Variants in CFAP74 observed in about 807,000 individuals in gnomAD.
The protein encoded by CFAP74 is cilia and flagella associated protein 74.
In CFAP74, 124 loss-of-function variants were observed where a neutral mutation model predicts 188.9. The ratio of observed to expected loss-of-function variants is 0.66; its 90% CI spans 0.57 to 0.76. CFAP74 has a LOEUF of 0.76. Ranked by LOEUF, CFAP74 falls within the 30% of genes least tolerant of loss-of-function variation. The pLI, the probability that CFAP74 is intolerant of heterozygous loss-of-function variation, is 0.00. For missense variants in CFAP74, 2,198 were observed against 2,165.2 expected, an observed-to-expected ratio of 1.02 and a Z score of -0.30; for synonymous variants, 956 against 916.7, an observed-to-expected ratio of 1.04 and a Z score of -0.77.
intron 26 of CFAP74, 66 bp downstream of exon 26, chr1:1,929,994 C>T: frequency 6.9e-7 from 1 of 1,456,946 alleles, no homozygotes; most frequent in Non-Finnish European, 9.1e-7. Context: ...AGCCAGACAC[C>T]CCAGGGGTAA....
chr1:1,987,795 C>T (rs1371953087), intron 4 of CFAP74, among the ~76,000 whole-genome samples: 1 of 152,308 alleles, frequency 6.6e-6, no homozygotes, highest in East Asian at 1.9e-4. Flanking sequence ...CCACCTTGGC[C>T]TCCCAAAGTG....
At chr1:1,937,222 C>T (rs909149322) in intron 25 of CFAP74, among the ~76,000 whole-genome samples, 1 of 152,218 alleles carries the variant, frequency 6.6e-6, no homozygotes, top group Non-Finnish European at 1.5e-5. Flanking sequence ...GGCGACGGGG[C>T]GTTAGCGCCC....
chr1:1,922,235 G>A lies in CFAP74; in HGVS notation c.*52C>T, dbSNP rs1570801369. Reference sequence around the variant, plus strand: ...GTAGTATGACCTGGCCCTCAGCCTGGGGAGGGCTTTGAGGGTGGACAGGAG... The same window carrying A: ...GTAGTATGACCTGGCCCTCAGCCTGAGGAGGGCTTTGAGGGTGGACAGGAG... On this transcript the variant is annotated 3_prime_UTR_variant, in exon 39 of 39. Coordinates refer to ENST00000682832, the MANE Select transcript of CFAP74 (RefSeq NM_001304360.2). 4 of 1,389,368 alleles carry A rather than the reference G, an allele frequency of 2.9e-6. No individual in the cohort carries two copies. In the East Asian group the frequency reaches 9.2e-5, roughly 32 times the overall value. 86.1% of individuals were successfully genotyped at this position (1,389,368 alleles called of 1,614,324 possible). A position where few individuals can be genotyped will look rare whatever the true frequency, so the allele number is the denominator to read the frequency against.
intron 25 of CFAP74, among the ~76,000 whole-genome samples, chr1:1,932,891 C>CTTT: frequency 7.4e-6 from 1 of 134,758 alleles, no homozygotes; most frequent in South Asian, 2.4e-4. Flanking sequence ...TGTGCCCGAC[C>CTTT]TTTTTTTTTT....
rs1204091040 is a variant in CFAP74 at position 1,938,863 on chromosome 1, C to G, written c.3003G>C (p.Glu1001Asp). 6.5e-7 allele frequency: 1 copy of G among 1,536,170 alleles called. No individual in the cohort carries two copies. Among genetic ancestry groups the G allele is most frequent in the Non-Finnish European group, 8.7e-7 (1 of 1,146,902 alleles). Reference protein sequence around the residue: ...EHRFQLTCKSEINRCFKLSCR... With the variant: ...EHRFQLTCKSDINRCFKLSCR... ...CTCCCTGGCAGGCTCACCGGTTGATCTCAGACTTGCAGGTCAGTTGGAATC... is the reference window on the plus strand; with the variant it reads ...CTCCCTGGCAGGCTCACCGGTTGATGTCAGACTTGCAGGTCAGTTGGAATC... Residue 1001 changes from glutamate (E) to aspartate (D), a missense_variant, in exon 25 of 39, where the codon GAG becomes GAC. Coordinates refer to ENST00000682832, the MANE Select transcript of CFAP74 (RefSeq NM_001304360.2).
chr1:1,971,351 A>C (rs752027680), intron 9 of CFAP74, among the ~76,000 whole-genome samples: 4 of 148,658 alleles, frequency 2.7e-5, no homozygotes, highest in African/African-American at 7.8e-5. Context: ...GTGCACACAC[A>C]TGCACACCTG....
intron 6 of CFAP74, among the ~76,000 whole-genome samples, chr1:1,974,498 A>G (rs1416364800): frequency 1.3e-5 from 2 of 152,222 alleles, no homozygotes. Flanking sequence ...GGCCTGGGGC[A>G]GGCCCTGCCC....
chr1:1,974,368 C>T (rs1656300495), intron 6 of CFAP74, among the ~76,000 whole-genome samples, 170 bp from the exon 7 acceptor site: 4 of 152,224 alleles, frequency 2.6e-5, no homozygotes, highest in African/African-American at 9.6e-5. Flanking sequence ...CACTGAGGCC[C>T]GCCCTGCCTG....
At chr1:1,955,624 C>T in intron 18 of CFAP74, 67 bp downstream of exon 18, 2 of 1,612,660 alleles carry the variant, frequency 1.2e-6, no homozygotes, top group East Asian at 2.2e-5. Flanking sequence ...CCCCTCAGCC[C>T]CCTGGAATGC....
At chr1:1,943,046 G>A (rs919989193) in intron 21 of CFAP74, among the ~76,000 whole-genome samples, 12 of 152,126 alleles carry the variant, frequency 7.9e-5, no homozygotes, top group African/African-American at 2.7e-4. Flanking sequence ...GGAGGCGGGC[G>A]CCCGGGTGCT....
intron 18 of CFAP74, chr1:1,955,345 C>T: frequency 7.8e-7 from 1 of 1,286,544 alleles, no homozygotes; most frequent in Non-Finnish European, 1.0e-6. Flanking sequence ...ACAGCCACAG[C>T]TGCAGAGCTA....
At chr1:1,972,175 G>C in intron 8 of CFAP74, 93 bp from the exon 9 acceptor site, 1 of 922,380 alleles carries the variant, frequency 1.1e-6, no homozygotes, top group South Asian at 1.4e-5. Context: ...CGACCTCCCA[G>C]GCTCAAGTGA....
intron 16 of CFAP74, among the ~76,000 whole-genome samples, chr1:1,958,653 T>G (rs962426147): frequency 6.7e-6 from 1 of 150,076 alleles, no homozygotes; most frequent in Non-Finnish European, 1.5e-5. Context: ...ACAACAGATA[T>G]AGCAGTTGAT....
At chr1:1,933,459 C>T (rs1360363127) in intron 25 of CFAP74, among the ~76,000 whole-genome samples, 2 of 152,170 alleles carry the variant, frequency 1.3e-5, no homozygotes, top group Non-Finnish European at 2.9e-5. Flanking sequence ...GGATTACAGG[C>T]GTGAGCCACC....
chr1:1,927,596 C>G lies in CFAP74; in HGVS notation c.3527+11G>C, dbSNP rs1311174877. 5.2e-6 allele frequency: 8 copies of G among 1,547,556 alleles called. No individual in the cohort carries two copies. In the Admixed American group the frequency reaches 7.9e-5, roughly 15 times the overall value. On this transcript the variant is annotated intron_variant, in intron 28 of 38. Coordinates refer to ENST00000682832, the MANE Select transcript of CFAP74 (RefSeq NM_001304360.2). The stretch of plus-strand genomic sequence containing the variant: ...GAGGGAAGCAGGTGGGGCAGCCCCT[C>G]CTGGACCCACCTGGGCCTCAGCTCC...
At position 1,923,941 on chromosome 1, in the gene CFAP74, G is replaced by A. The variant is rs569414678; in HGVS notation, c.4235-12C>T. ...GAGATTCTGCGTCCCTGCGGGTAGG[G>A]TGGGGTGCAGTTTGGCCTTCTCCAC... On this transcript the variant is annotated splice_polypyrimidine_tract_variant and intron_variant, in intron 34 of 38. Coordinates refer to ENST00000682832, the MANE Select transcript of CFAP74 (RefSeq NM_001304360.2). The surrounding 1 kb of genome is among the most constrained non-coding windows in gnomAD (Gnocchi z 6.3). 2 of 1,600,708 alleles carry A rather than the reference G, an allele frequency of 1.2e-6. No homozygotes were observed. The highest frequency in any genetic ancestry group is 1.7e-6 in the Non-Finnish European group (2 of 1,173,050).
intron 14 of CFAP74, among the ~76,000 whole-genome samples, chr1:1,961,748 G>A (rs1317644912): frequency 6.6e-6 from 1 of 152,304 alleles, no homozygotes. Flanking sequence ...CTCCATGCCC[G>A]CCTTCACAGA....
rs1049803658 is a variant in CFAP74, at chr1:1,959,024, G to A, written c.1851+96C>T. 12 of 767,642 alleles carry A rather than the reference G, an allele frequency of 1.6e-5. No homozygotes were observed. The African/African-American group carries it at 1.6e-4, about 10-fold the overall frequency. 47.6% of individuals were successfully genotyped at this position (767,642 alleles called of 1,614,324 possible). The stretch of plus-strand genomic sequence containing the variant: ...ATTGGAGCTTCCACCTGGTCCCCCC[G>A]CCAACCTGCACCCCCTCCCAGGAGA... On this transcript the variant is annotated intron_variant, in intron 16 of 38. Coordinates refer to ENST00000682832, the MANE Select transcript of CFAP74 (RefSeq NM_001304360.2).
rs1654711990 is a variant in CFAP74 at position 1,957,291 on chromosome 1, G to A, written c.1852-507C>T. ...GGCCATACCTCGGCTCTGCCCAATG[G>A]CCCCTCCTCGGGAGGCTTTTCTGGG... On this transcript the variant is annotated intron_variant, in intron 16 of 38. Transcript: ENST00000682832. Among the ~76,000 whole-genome samples, 2 of 152,222 alleles carry A rather than the reference G, an allele frequency of 1.3e-5. 1 individual carries two copies. The highest frequency in any genetic ancestry group is 4.1e-4 in the South Asian group (2 of 4,832).
Sources: gnomAD v4.1 joint callset for allele counts (sites outside exome capture counted in the v4.1 genomes callset) on GRCh38, gnomAD v4.1.1 for gene constraint, Gnocchi (gnomAD v3.1) non-coding constraint, MANE v1.5 for transcripts, NCBI Gene and HGNC (gene_info 2026-07-23, HGNC 2026-07-21) for gene names.